Variants in CADPS2 observed in about 807,000 individuals in gnomAD.
CADPS2 encodes the protein calcium-dependent secretion activator 2.
Under a neutral mutation model 172.5 loss-of-function variants are expected in CADPS2, and 93 were observed. That is an observed-to-expected ratio of 0.54 (90% CI 0.46 to 0.64). The LOEUF (loss-of-function observed/expected upper bound fraction) is 0.64. CADPS2 is among the 30% of genes least tolerant of loss of function. The pLI is 0.00. For synonymous variants in CADPS2, 546 were observed against 555.2 expected (o/e 0.98, Z 0.23); for missense variants, 1,420 against 1,565.9 (o/e 0.91, Z 1.57).
chr7:122,527,416 T>A (rs2061325258), intron 8 of CADPS2, among the ~76,000 whole-genome samples: 1 of 145,430 alleles, frequency 6.9e-6, no homozygotes, highest in African/African-American at 2.5e-5. Flanking sequence ...ACTAATATGC[T>A]AAAAAAAAAA....
chr7:122,401,775 T>A (rs1289808322), intron 20 of CADPS2, among the ~76,000 whole-genome samples: 46 of 152,128 alleles, frequency 3.0e-4, no homozygotes, highest in Admixed American at 3.0e-3. Flanking sequence ...GAGAGCTTGG[T>A]CTTTTTTGGC....
At position 122,802,061 on chromosome 7, in the gene CADPS2, T is replaced by C. The variant is rs148197102; in HGVS notation, c.340-64993A>G. On this transcript the variant is annotated intron_variant, in intron 1 of 29. Transcript: ENST00000449022. The stretch of plus-strand genomic sequence containing the variant: ...GTATAAAATCTATTTAGAAAAGCTA[T>C]AAGATGTCTAAACAGTGTCACAGCA... Among the ~76,000 whole-genome samples, 445 of 152,294 alleles carry C rather than the reference T, an allele frequency of 2.9e-3. 2 individuals are homozygous for C. Among genetic ancestry groups the C allele is most frequent in the African/African-American group, 0.01 (424 of 41,562 alleles).
intron 1 of CADPS2, among the ~76,000 whole-genome samples, chr7:122,834,818 T>C (rs1807816926): frequency 6.6e-6 from 1 of 152,126 alleles, no homozygotes; most frequent in Non-Finnish European, 1.5e-5. Flanking sequence ...CCACCGCAGC[T>C]CAAGGAGGCC....
intron 2 of CADPS2, among the ~76,000 whole-genome samples, chr7:122,673,840 G>A (rs1029023272): frequency 1.3e-5 from 2 of 151,994 alleles, no homozygotes; most frequent in Non-Finnish European, 2.9e-5. Context: ...GGCGGCAGAT[G>A]GGACCGGGTG....
At chr7:122,384,675 CTA>C (rs1275422182) in intron 24 of CADPS2, among the ~76,000 whole-genome samples, 1 of 152,002 alleles carries the variant, frequency 6.6e-6, no homozygotes. Context: ...ACATTCTGAA[CTA>C]TGTTAATTGT....
chr7:122,434,336 A>AG (rs2050368497), intron 17 of CADPS2, among the ~76,000 whole-genome samples: 1 of 151,892 alleles, frequency 6.6e-6, no homozygotes. Flanking sequence ...TGAAAAAGGT[A>AG]GGGGAAAAAA....
chr7:122,401,274 C>T (rs1028316114), intron 20 of CADPS2, among the ~76,000 whole-genome samples: 2 of 152,150 alleles, frequency 1.3e-5, no homozygotes, highest in African/African-American at 4.8e-5. Context: ...CACGGGTGTT[C>T]TTTGGGATGA....
chr7:122,472,289 G>A (rs928772943), intron 13 of CADPS2, among the ~76,000 whole-genome samples: 2 of 147,112 alleles, frequency 1.4e-5, no homozygotes, highest in Non-Finnish European at 3.0e-5. Flanking sequence ...TTAAAAGGGG[G>A]CAGGGTAATC....
chr7:122,835,454 G>A (rs931288514), intron 1 of CADPS2, among the ~76,000 whole-genome samples: 1 of 152,254 alleles, frequency 6.6e-6, no homozygotes, highest in Non-Finnish European at 1.5e-5. Flanking sequence ...GACGAGTTGA[G>A]AGAAGAAGGC....
intron 1 of CADPS2, among the ~76,000 whole-genome samples, chr7:122,740,547 C>T (rs2092409350): frequency 6.6e-6 from 1 of 152,022 alleles, no homozygotes; most frequent in African/African-American, 2.4e-5. Context: ...ACAGTGTAGG[C>T]TATGCATGTG....
At chr7:122,782,973 G>A (rs946165745) in intron 1 of CADPS2, among the ~76,000 whole-genome samples, 1 of 151,526 alleles carries the variant, frequency 6.6e-6, no homozygotes, top group Non-Finnish European at 1.5e-5. Context: ...TATTTCAAAC[G>A]TTCTTATAAA....
chr7:122,407,630 C>T lies in CADPS2; in HGVS notation c.2656G>A (p.Asp886Asn), dbSNP rs766972414. 1 of 1,611,982 alleles carries T rather than the reference C, an allele frequency of 6.2e-7. No individual in the cohort carries two copies. Reference sequence around the variant, plus strand: ...TGAGCCTCTAGTGCAGTGTCCATATCCACTGTAAATAAAGCCCAAAATTTC... The same window carrying T: ...TGAGCCTCTAGTGCAGTGTCCATATTCACTGTAAATAAAGCCCAAAATTTC... ...AEKFWALFTV[D>N]MDTALEAQPQ... The change falls in exon 20 of 30, where the codon GAT (aspartate) becomes AAT (asparagine). Residue 886 changes from aspartate to asparagine, a missense_variant. Physicochemically the swap from Asp to Asn is conservative, Grantham distance 23 (BLOSUM62 1). Coordinates refer to ENST00000449022, the MANE Select transcript of CADPS2 (RefSeq NM_017954.11).
intron 14 of CADPS2, among the ~76,000 whole-genome samples, chr7:122,466,630 A>C: frequency 6.6e-6 from 1 of 152,218 alleles, no homozygotes; most frequent in East Asian, 1.9e-4. Flanking sequence ...CCAAAAGCTC[A>C]TTTAACTAAT....
chr7:122,847,647 A>G (rs944969595), intron 1 of CADPS2, among the ~76,000 whole-genome samples: 2 of 152,056 alleles, frequency 1.3e-5, no homozygotes, highest in African/African-American at 4.8e-5. Flanking sequence ...GAAAGATACT[A>G]AGCTTATGGC....
intron 20 of CADPS2, among the ~76,000 whole-genome samples, chr7:122,399,024 T>C (rs1156693093): frequency 6.6e-6 from 1 of 152,140 alleles, no homozygotes; most frequent in African/African-American, 2.4e-5. Flanking sequence ...ATACATTAAC[T>C]AGTATAATAA....
chr7:122,783,643 C>T (rs1349122527), intron 1 of CADPS2, among the ~76,000 whole-genome samples: 1 of 152,176 alleles, frequency 6.6e-6, no homozygotes, highest in Non-Finnish European at 1.5e-5. Context: ...GCTACCACGG[C>T]CCCAATCAGC....
At chr7:122,492,454 G>A (rs2058379219) in intron 9 of CADPS2, among the ~76,000 whole-genome samples, 1 of 151,984 alleles carries the variant, frequency 6.6e-6, no homozygotes, top group Non-Finnish European at 1.5e-5. Flanking sequence ...TGGATCACAA[G>A]GCCATATTTG....
intron 6 of CADPS2, among the ~76,000 whole-genome samples, chr7:122,583,955 T>C (rs2069255846): frequency 6.6e-6 from 1 of 151,542 alleles, no homozygotes; most frequent in Non-Finnish European, 1.5e-5. Context: ...CCTACATTTA[T>C]TGAAATAATC....
At chr7:122,581,972 T>G (rs761363154) in intron 6 of CADPS2, among the ~76,000 whole-genome samples, 1 of 152,140 alleles carries the variant, frequency 6.6e-6, no homozygotes, top group Non-Finnish European at 1.5e-5. Flanking sequence ...TTGCCTTTAT[T>G]GCAGACCAGT....
Sources: gnomAD v4.1 joint callset for allele counts (sites outside exome capture counted in the v4.1 genomes callset) on GRCh38, gnomAD v4.1.1 for gene constraint, MANE v1.5 for transcripts, NCBI Gene and HGNC (gene_info 2026-07-23, HGNC 2026-07-21) for gene names.